Variants in KCNK2 observed in about 807,000 individuals in gnomAD.
KCNK2 encodes potassium two pore domain channel subfamily K member 2.
In KCNK2, 21 loss-of-function variants were observed where a neutral mutation model predicts 40.5. The ratio of observed to expected loss-of-function variants is 0.52; its 90% confidence interval spans 0.37 to 0.75. The LOEUF (loss-of-function observed/expected upper bound fraction) is 0.75. Among genes scored for constraint, KCNK2 ranks in the 30% least tolerant of loss-of-function variants. KCNK2 has a pLI of 0.00. For synonymous variants in KCNK2, 191 were observed against 202.2 expected (o/e 0.94, Z 0.47); for missense variants, 399 against 531.6 (o/e 0.75, Z 2.45).
chr1:215,057,270 A>AT (rs774866253), intron 1 of KCNK2, among the ~76,000 whole-genome samples: 7 of 151,034 alleles, frequency 4.6e-5, no homozygotes, highest in East Asian at 1.9e-4. Flanking sequence ...GGATAATCAT[A>AT]TTTTTTTAAA....
intron 6 of KCNK2, among the ~76,000 whole-genome samples, chr1:215,221,754 G>C (rs1225206509): frequency 6.6e-6 from 1 of 152,126 alleles, no homozygotes; most frequent in African/African-American, 2.4e-5. Flanking sequence ...GGAATCAACC[G>C]TATCTAGTTA....
Position 215,236,262 on chromosome 1 carries a change from A to C in KCNK2, c.*1117A>C, listed in dbSNP as rs1666891517. 1 of 152,272 alleles carries C rather than the reference A, an allele frequency of 6.6e-6. No homozygotes were observed. The allele number at this position is 152,272 out of a possible 1,614,324, so 9.4% of individuals were successfully genotyped here. A position where few individuals can be genotyped will look rare whatever the true frequency, so the allele number is the denominator to read the frequency against. On this transcript the variant is annotated 3_prime_UTR_variant, in exon 7 of 7. Coordinates refer to ENST00000444842, the MANE Select transcript of KCNK2 (RefSeq NM_001017425.3). Reference sequence around the variant, plus strand: ...CCAGCTTCTAATTGCTTTTTGATGTATGAAAGGCTTATATAATTTTCTTTT... The same window carrying C: ...CCAGCTTCTAATTGCTTTTTGATGTCTGAAAGGCTTATATAATTTTCTTTT...
At chr1:215,162,870 G>T (rs6673739) in intron 3 of KCNK2, among the ~76,000 whole-genome samples, 3 of 150,186 alleles carry the variant, frequency 2.0e-5, no homozygotes, top group Non-Finnish European at 3.0e-5. Context: ...ATACTGCCAG[G>T]TTTGTTTTTT....
chr1:215,056,256 C>T (rs1433516213), intron 1 of KCNK2, among the ~76,000 whole-genome samples: 9 of 140,088 alleles, frequency 6.4e-5, no homozygotes, highest in Non-Finnish European at 1.1e-4. Context: ...TACAGTGAGC[C>T]GAGATCGCGC....
chr1:215,093,507 TAA>T (rs34354787), intron 2 of KCNK2, among the ~76,000 whole-genome samples: 83,003 of 110,134 alleles, frequency 0.75, 31,630 homozygotes, highest in Non-Finnish European at 0.78. Flanking sequence ...ATATTATATA[TAA>T]AATATAGGAT....
rs540243788 is a variant in KCNK2, at chr1:215,097,517, G to A, written c.357+10839G>A. On this transcript the variant is annotated intron_variant, in intron 2 of 6. Transcript: ENST00000444842. ...AATAAAGAAAAATTTTTTTTTGGCA[G>A]CATTTGAAATTACATAATTTTCTTG... Among the ~76,000 whole-genome samples the A allele has an allele frequency of 1.0e-3, 151 of 150,860 alleles. 1 individual carries two copies. Among genetic ancestry groups the A allele is most frequent in the African/African-American group, 3.6e-3 (147 of 41,232 alleles).
chr1:215,086,150 A>G (rs1439478578), intron 1 of KCNK2, among the ~76,000 whole-genome samples: 1 of 151,896 alleles, frequency 6.6e-6, no homozygotes, highest in Non-Finnish European at 1.5e-5. Context: ...CTCATTTTGA[A>G]CTCCAATAGC....
upstream of KCNK2, chr1:215,005,659 GA>G: frequency 5.0e-6 from 2 of 403,250 alleles, no homozygotes; most frequent in Non-Finnish European, 8.8e-6. Flanking sequence ...TTTAATCAGG[GA>G]ATTTCTTCCT....
chr1:215,029,087 C>T (rs1657095611), intron 1 of KCNK2, among the ~76,000 whole-genome samples: 1 of 151,972 alleles, frequency 6.6e-6, no homozygotes, highest in African/African-American at 2.4e-5. Flanking sequence ...TATCAACATC[C>T]CCCACCAGAG....
intron 3 of KCNK2, among the ~76,000 whole-genome samples, chr1:215,167,003 T>C (rs1045877947): frequency 1.3e-5 from 2 of 152,002 alleles, no homozygotes; most frequent in African/African-American, 4.8e-5. Flanking sequence ...ATTAGATACA[T>C]TGAAAACAAA....
intron 6 of KCNK2, among the ~76,000 whole-genome samples, chr1:215,202,134 T>A (rs1665105669): frequency 6.6e-6 from 1 of 152,150 alleles, no homozygotes; most frequent in Admixed American, 6.5e-5. Context: ...GTCTTACACT[T>A]GTAACTCTTC....
chr1:215,066,442 T>C (rs760145335), intron 1 of KCNK2, among the ~76,000 whole-genome samples: 2 of 151,356 alleles, frequency 1.3e-5, no homozygotes, highest in Non-Finnish European at 2.9e-5. Flanking sequence ...TGAGAAATAC[T>C]ATTTAATAAA....
At chr1:215,191,078 A>G (rs992973693) in intron 5 of KCNK2, among the ~76,000 whole-genome samples, 3 of 151,188 alleles carry the variant, frequency 2.0e-5, no homozygotes, top group Non-Finnish European at 4.4e-5. Context: ...TGAGGTTAGG[A>G]GTTCAAGACC....
intron 1 of KCNK2, among the ~76,000 whole-genome samples, chr1:215,026,212 C>A (rs1001114011): frequency 5.9e-5 from 9 of 151,922 alleles, no homozygotes; most frequent in African/African-American, 2.2e-4. Context: ...TGTTTCTTAT[C>A]AATTTTTAAA....
intron 6 of KCNK2, among the ~76,000 whole-genome samples, chr1:215,198,968 A>C (rs1202932905): frequency 6.6e-6 from 1 of 152,196 alleles, no homozygotes. Context: ...AAGTGTGAAA[A>C]TATAGATCTA....
chr1:215,045,316 T>C (rs749210797), intron 1 of KCNK2, among the ~76,000 whole-genome samples: 3 of 152,104 alleles, frequency 2.0e-5, no homozygotes, highest in Non-Finnish European at 4.4e-5. Flanking sequence ...AGAATAACCG[T>C]TGGTAGTCCA....
rs1470373875 is a variant in KCNK2, at chr1:215,083,382, C to T, written c.-4C>T. On this transcript the variant is annotated 5_prime_UTR_variant, in exon 1 of 7. Transcript: ENST00000444842. ...CAAAAAACATTTTGAATGCTGCATG[C>T]CTCATGCTTCCCAGCGCCTCGCGGG... The T allele has an allele frequency of 1.9e-6, 3 of 1,614,002 alleles. No homozygotes were observed. Among genetic ancestry groups the T allele is most frequent in the Non-Finnish European group, 2.5e-6 (3 of 1,180,014 alleles).
chr1:215,013,227 T>G (rs1422225493), intron 1 of KCNK2, among the ~76,000 whole-genome samples: 2 of 152,192 alleles, frequency 1.3e-5, no homozygotes, highest in Non-Finnish European at 2.9e-5. Context: ...ATTAACACAA[T>G]CTGTTGGAAA....
At chr1:215,119,701 G>T (rs558693824) in intron 2 of KCNK2, among the ~76,000 whole-genome samples, 1 of 152,066 alleles carries the variant, frequency 6.6e-6, no homozygotes, top group African/African-American at 2.4e-5. Flanking sequence ...TTCCATCTTC[G>T]CTTATCTTAA....
Sources: gnomAD v4.1 joint callset for allele counts (sites outside exome capture counted in the v4.1 genomes callset) on GRCh38, gnomAD v4.1.1 for gene constraint, MANE v1.5 for transcripts, NCBI Gene and HGNC (gene_info 2026-07-23, HGNC 2026-07-21) for gene names.